Variants in SLC5A8 observed in about 807,000 individuals in gnomAD.
SLC5A8 encodes the protein solute carrier family 5 member 8, also known as sodium-coupled monocarboxylate transporter 1.
In SLC5A8, 55 loss-of-function variants were observed where a neutral mutation model predicts 71.9. The ratio of observed to expected loss-of-function variants is 0.77; its 90% CI spans 0.62 to 0.96. The LOEUF is 0.96. Ranked by LOEUF, SLC5A8 falls within the 40% of genes least tolerant of loss-of-function variation. The pLI is 0.00. For missense variants in SLC5A8, 701 were observed against 745.3 expected (o/e 0.94, Z 0.69); for synonymous variants, 307 against 276.1 (o/e 1.11, Z -1.11).
chr12:101,184,315 A>C lies in SLC5A8; in HGVS notation c.964-93T>G. On this transcript the variant is annotated intron_variant, in intron 7 of 14. Transcript: ENST00000536262. ...ATCATTTGTCTTGTCTCCTTCGGGA[A>C]CTGAAAGGAGTTATTCCACACAAAT... 4.9e-6 allele frequency: 5 copies of C among 1,029,968 alleles called. No individual in the cohort carries two copies. The South Asian group carries it at 7.2e-5, about 15-fold the overall frequency. The allele number at this position is 1,029,968 out of a possible 1,614,324, so 63.8% of individuals were successfully genotyped here.
intron 9 of SLC5A8, among the ~76,000 whole-genome samples, chr12:101,182,563 C>G (rs1269952954): frequency 6.6e-6 from 1 of 152,160 alleles, no homozygotes; most frequent in East Asian, 1.9e-4. Flanking sequence ...GGAAATTGTC[C>G]TTTGTGGTTC....
At chr12:101,174,603 C>CT (rs1032316241) in intron 10 of SLC5A8, among the ~76,000 whole-genome samples, 3 of 151,990 alleles carry the variant, frequency 2.0e-5, no homozygotes, top group African/African-American at 7.3e-5. Context: ...GCTGAGGTGG[C>CT]TTTTTTTTCC....
intron 3 of SLC5A8, among the ~76,000 whole-genome samples, chr12:101,201,430 A>G (rs1405414572): frequency 1.3e-5 from 2 of 152,194 alleles, no homozygotes; most frequent in Non-Finnish European, 2.9e-5. Context: ...TCTTCCCATC[A>G]CAGAGTCCAC....
chr12:101,158,598 C>CTCTCTCTCTCTCTATATA (rs1411795424), intron 13 of SLC5A8, among the ~76,000 whole-genome samples: 5 of 21,248 alleles, frequency 2.4e-4, no homozygotes, highest in Non-Finnish European at 4.4e-4. Context: ...CTCTCTCTCT[C>CTCTCTCTCTCTCTATATA]TATATATATA....
chr12:101,164,997 A>G (rs931954013), intron 12 of SLC5A8, among the ~76,000 whole-genome samples: 4 of 152,042 alleles, frequency 2.6e-5, no homozygotes, highest in Non-Finnish European at 5.9e-5. Flanking sequence ...TTTATTTACT[A>G]TGTCTTAGTT....
At chr12:101,171,966 G>A (rs2051833805) in intron 10 of SLC5A8, among the ~76,000 whole-genome samples, 1 of 152,210 alleles carries the variant, frequency 6.6e-6, no homozygotes, top group Non-Finnish European at 1.5e-5. Context: ...AGCAGGCTTA[G>A]AGTTGCTTGA....
At chr12:101,157,960 T>C (rs556374530) in intron 14 of SLC5A8, among the ~76,000 whole-genome samples, 1 of 152,048 alleles carries the variant, frequency 6.6e-6, no homozygotes, top group South Asian at 2.1e-4. Context: ...TAGAGAGATA[T>C]ACAGCAGATA....
intron 3 of SLC5A8, 113 bp from the exon 4 acceptor site, chr12:101,195,275 C>T: frequency 9.2e-7 from 1 of 1,084,338 alleles, no homozygotes; most frequent in Non-Finnish European, 1.4e-6. Context: ...TTCCTCTATA[C>T]CCACTTGCCT....
chr12:101,167,429 T>C (rs1238211420), intron 11 of SLC5A8, among the ~76,000 whole-genome samples: 2 of 152,198 alleles, frequency 1.3e-5, no homozygotes, highest in Non-Finnish European at 2.9e-5. Context: ...TGCACATACA[T>C]TATCAGTTTT....
chr12:101,175,672 G>C (rs1014551735), intron 10 of SLC5A8, among the ~76,000 whole-genome samples: 1 of 151,880 alleles, frequency 6.6e-6, no homozygotes. Flanking sequence ...TACCTGTAAG[G>C]GAAAACAATT....
chr12:101,162,163 C>G (rs1444710125), intron 12 of SLC5A8, 86 bp from the exon 13 acceptor site: 1 of 789,498 alleles, frequency 1.3e-6, no homozygotes, highest in Non-Finnish European at 2.2e-6. Flanking sequence ...ATGGCAAGGT[C>G]AAAATATAAC....
chr12:101,202,521 A>G (rs1869499462), intron 2 of SLC5A8, among the ~76,000 whole-genome samples: 1 of 152,088 alleles, frequency 6.6e-6, no homozygotes, highest in Non-Finnish European at 1.5e-5. Flanking sequence ...CTTGAAATAA[A>G]ATTTCCTACA....
chr12:101,160,407 C>CA (rs1219890964), intron 13 of SLC5A8, among the ~76,000 whole-genome samples: 1 of 152,052 alleles, frequency 6.6e-6, no homozygotes, highest in Non-Finnish European at 1.5e-5. Context: ...ATCTCAGTGC[C>CA]AAAAAACAGA....
intron 3 of SLC5A8, among the ~76,000 whole-genome samples, chr12:101,195,501 ACT>A (rs1869130485): frequency 6.6e-6 from 1 of 151,996 alleles, no homozygotes; most frequent in African/African-American, 2.4e-5. Context: ...TCAAATAAAC[ACT>A]CTATTTTTAT....
At chr12:101,204,305 G>T (rs1198141333) in intron 2 of SLC5A8, among the ~76,000 whole-genome samples, 195 bp downstream of exon 2, 1 of 152,182 alleles carries the variant, frequency 6.6e-6, no homozygotes, top group African/African-American at 2.4e-5. Flanking sequence ...AGGAAGTAAA[G>T]CATTTACTGA....
intron 5 of SLC5A8, 86 bp downstream of exon 5, chr12:101,193,539 T>C: frequency 6.8e-7 from 1 of 1,463,240 alleles, no homozygotes; most frequent in Non-Finnish European, 9.2e-7. Context: ...GGCTTGTTTT[T>C]TAATGTAAAT....
intron 2 of SLC5A8, 96 bp from the exon 3 acceptor site, chr12:101,202,311 C>A: frequency 8.9e-7 from 1 of 1,125,366 alleles, no homozygotes; most frequent in South Asian, 1.9e-5. Context: ...CCTATAACTT[C>A]AATTATGACT....
chr12:101,162,535 A>G (rs1390656273), intron 12 of SLC5A8, among the ~76,000 whole-genome samples: 2 of 152,366 alleles, frequency 1.3e-5, no homozygotes, highest in South Asian at 2.1e-4. Context: ...AATGTGGTAC[A>G]TATACACCAT....
intron 3 of SLC5A8, among the ~76,000 whole-genome samples, chr12:101,200,047 A>AAAAAAAAAAAAAAAAAC (rs1869383762): frequency 1.1e-5 from 1 of 92,716 alleles, no homozygotes; most frequent in Non-Finnish European, 2.1e-5. Flanking sequence ...AAAAAAAAAA[A>AAAAAAAAAAAAAAAAAC]AAAAAAAGGG....
Sources: allele counts gnomAD v4.1 joint callset (sites outside exome capture counted in the v4.1 genomes callset), GRCh38; gene constraint gnomAD v4.1.1; transcripts MANE v1.5; gene names NCBI Gene and HGNC (gene_info 2026-07-23, HGNC 2026-07-21).